Variants in XG observed in about 807,000 individuals in gnomAD.
The protein encoded by XG is Xg glycoprotein (Xg blood group).
A neutral mutation model predicts 25.7 loss-of-function variants in XG; 24 were observed. The observed-to-expected ratio is 0.93, with a 90% CI of 0.68 to 1.31. The LOEUF (loss-of-function observed/expected upper bound fraction) is 1.31, where lower values mean the gene tolerates loss of function less well. XG is among the 40% of genes most tolerant of loss of function. The pLI is 0.00. For missense variants in XG, 181 were observed against 187.6 expected, an observed-to-expected ratio of 0.96 and a Z score of 0.21; for synonymous variants, 77 against 69.2, an observed-to-expected ratio of 1.11 and a Z score of -0.56.
intron 10 of XG, among the ~76,000 whole-genome samples, chrX:2,811,918 G>C (rs1033023481): frequency 3.6e-5 from 4 of 111,835 alleles, no homozygotes; most frequent in African/African-American, 1.3e-4. Flanking sequence ...TTCATGGTCA[G>C]GTGTGAGCTG....
intron 7 of XG, among the ~76,000 whole-genome samples, chrX:2,801,790 G>C (rs769106132): frequency 4.5e-5 from 5 of 110,599 alleles, no homozygotes; most frequent in African/African-American, 1.7e-4. Flanking sequence ...CTCACTGCAA[G>C]CTCCGCCTCC....
chrX:2,782,012 C>G (rs1016564597), intron 3 of XG, 54 bp from the exon 4 acceptor site: 39 of 1,155,057 alleles, frequency 3.4e-5, no homozygotes, highest in Non-Finnish European at 4.4e-5. Context: ...GCAGCCTGCT[C>G]CTAAGGGAAG....
intron 4 of XG, among the ~76,000 whole-genome samples, chrX:2,785,616 A>G (rs2086776529): frequency 9.0e-6 from 1 of 111,053 alleles, no homozygotes; most frequent in Admixed American, 9.6e-5. Flanking sequence ...TATTTAACAC[A>G]GGAAATGAGC....
At chrX:2,768,564 T>TC (rs1206386776) in intron 1 of XG, among the ~76,000 whole-genome samples, 1 of 152,104 alleles carries the variant, frequency 6.6e-6, no homozygotes, top group African/African-American at 2.4e-5. Context: ...GGTCAGGAGT[T>TC]CGAGACCAGC....
At chrX:2,754,506 A>C (rs111345720) in intron 1 of XG, among the ~76,000 whole-genome samples, 2,104 of 152,274 alleles carry the variant, frequency 0.014, 39 homozygotes, top group African/African-American at 0.046. Context: ...GCCTGATGTC[A>C]TTTTACAGAT....
rs1358244178 is a variant in XG, at chrX:2,808,114, A to G, written c.419-71A>G. 2.6e-6 allele frequency: 3 copies of G among 1,137,528 alleles called. No individual in the cohort carries two copies. In the African/African-American group the frequency reaches 5.4e-5, roughly 20 times the overall value. 93.7% of individuals were successfully genotyped at this position (1,137,528 alleles called of 1,213,427 possible). A position where few individuals can be genotyped will look rare whatever the true frequency, so the allele number is the denominator to read the frequency against. The stretch of plus-strand genomic sequence containing the variant: ...TGCTGTGTTCACAGTCGCATCCTCA[A>G]CAGTGCCCGGCAATATAAGGCCCTC... On this transcript the variant is annotated intron_variant, in intron 8 of 10. Coordinates refer to ENST00000644266, the MANE Select transcript of XG (RefSeq NM_001141919.2).
rs780616611 is a variant in XG at position 2,767,532 on chromosome X, G to GC, written c.62-3014dup. ...AATCAGAAATAGATCTCCTGTTCCT[G>GC]CCCCGTCTTATGTTCCCAGTGGAAA... On this transcript the variant is annotated intron_variant, in intron 1 of 10. Transcript: ENST00000644266. Among the ~76,000 whole-genome samples the GC allele has an allele frequency of 3.3e-5, 5 of 152,266 alleles. No homozygotes were observed. The South Asian group carries it at 6.2e-4, about 19-fold the overall frequency.
chrX:2,767,575 A>C (rs1359766874), intron 1 of XG, among the ~76,000 whole-genome samples: 2 of 152,168 alleles, frequency 1.3e-5, no homozygotes, highest in South Asian at 4.1e-4. Context: ...CCGTGAAAGC[A>C]ATGGCGTCAT....
chrX:2,785,114 G>A (rs900034843), intron 4 of XG, among the ~76,000 whole-genome samples: 4 of 111,987 alleles, frequency 3.6e-5, no homozygotes, highest in Non-Finnish European at 7.5e-5. Context: ...GGGGCTTCCA[G>A]GTCACAGGAA....
At chrX:2,787,035 C>T (rs1346853142) in intron 4 of XG, among the ~76,000 whole-genome samples, 21 of 107,953 alleles carry the variant, frequency 1.9e-4, no homozygotes, top group African/African-American at 7.1e-4. Flanking sequence ...GAGATGAGGA[C>T]GCAGACACAC....
chrX:2,763,171 C>T (rs1388414331), intron 1 of XG, among the ~76,000 whole-genome samples: 5 of 152,122 alleles, frequency 3.3e-5, no homozygotes, highest in African/African-American at 1.2e-4. Flanking sequence ...TGCACACCAC[C>T]ACGCCCACAT....
chrX:2,752,631 A>C (rs138761097), intron 1 of XG, among the ~76,000 whole-genome samples: 2 of 152,094 alleles, frequency 1.3e-5, no homozygotes, highest in African/African-American at 4.8e-5. Context: ...AAAATGACCT[A>C]TTTAACTCCA....
Position 2,776,509 on chromosome X carries a change from T to C in XG, c.127+1770T>C, listed in dbSNP as rs774873423. ...GAGTCAGCCTGCACGAGTTCAGTCC[T>C]TGAGGAAGGGGCTGCCAGTGAAAGA... On this transcript the variant is annotated intron_variant, in intron 3 of 10. Coordinates refer to ENST00000644266, the MANE Select transcript of XG (RefSeq NM_001141919.2). 1.6e-3 allele frequency among the ~76,000 whole-genome samples: 240 copies of C among 151,920 alleles called. No individual in the cohort carries two copies. The Middle Eastern group carries it at 0.054, about 34-fold the overall frequency.
chrX:2,778,852 C>T (rs2535440), intron 3 of XG, among the ~76,000 whole-genome samples: 45,141 of 151,022 alleles, frequency 0.3, 3,844 homozygotes, highest in African/African-American at 0.41. Flanking sequence ...CACCTCCCCG[C>T]AAACTTCTCC....
At chrX:2,764,844 C>A (rs1449184378) in intron 1 of XG, among the ~76,000 whole-genome samples, 1 of 150,138 alleles carries the variant, frequency 6.7e-6, no homozygotes, top group Non-Finnish European at 1.5e-5. Flanking sequence ...AGTTCAAGAC[C>A]ATCCTGGCCA....
At chrX:2,780,210 A>G (rs1427129575) in intron 3 of XG, among the ~76,000 whole-genome samples, 1 of 152,090 alleles carries the variant, frequency 6.6e-6, no homozygotes, top group Admixed American at 6.5e-5. Context: ...GAAAAGAAAA[A>G]GAAAATGGAG....
chrX:2,757,155 C>T (rs777702957), intron 1 of XG, among the ~76,000 whole-genome samples: 3 of 152,182 alleles, frequency 2.0e-5, no homozygotes, highest in East Asian at 1.9e-4. Flanking sequence ...CTTCTCCAAC[C>T]ATCCCCAGCT....
chrX:2,793,361 C>T (rs2086854642), intron 5 of XG, among the ~76,000 whole-genome samples: 2 of 111,681 alleles, frequency 1.8e-5, no homozygotes, highest in Admixed American at 1.9e-4. Context: ...GTCCAGGAAC[C>T]ACAGAAGGAA....
chrX:2,806,755 T>A lies in XG; in HGVS notation c.418+10T>A. 3 of 1,135,662 alleles carry A rather than the reference T, an allele frequency of 2.6e-6. No homozygotes were observed. The highest frequency in any genetic ancestry group is 3.5e-6 in the Non-Finnish European group (3 of 848,835). The allele number at this position is 1,135,662 out of a possible 1,213,427, so 93.6% of individuals were successfully genotyped here. A position where few individuals can be genotyped will look rare whatever the true frequency, so the allele number is the denominator to read the frequency against. ...TATGGAAATACTTATGGTAAAGGAA[T>A]TATGTCTTACAGAATATGTGAGGCA... is the stretch of plus-strand genomic sequence containing the variant. On this transcript the variant is annotated intron_variant, in intron 8 of 10. Coordinates refer to ENST00000644266, the MANE Select transcript of XG (RefSeq NM_001141919.2).
Sources: allele counts gnomAD v4.1 joint callset (sites outside exome capture counted in the v4.1 genomes callset), GRCh38; gene constraint gnomAD v4.1.1; transcripts MANE v1.5; gene names NCBI Gene and HGNC (gene_info 2026-07-23, HGNC 2026-07-21).